Variants in MACROD2 observed in about 807,000 individuals in gnomAD.
MACROD2 encodes ADP-ribose glycohydrolase MACROD2.
In MACROD2, 36 loss-of-function variants were observed where a neutral mutation model predicts 70.4. The observed-to-expected ratio is 0.51, with a 90% CI of 0.39 to 0.68. The LOEUF (loss-of-function observed/expected upper bound fraction) is 0.68. Ranked by LOEUF, MACROD2 falls within the 30% of genes least tolerant of loss-of-function variation. The pLI, the probability that MACROD2 is intolerant of heterozygous loss-of-function variation, is 0.00. For synonymous variants in MACROD2, 172 were observed against 178.8 expected (o/e 0.96, Z 0.30); for missense variants, 496 against 538.4 (o/e 0.92, Z 0.78).
At chr20:14,269,246 T>A (rs942069801) in intron 3 of MACROD2, among the ~76,000 whole-genome samples, 10 of 152,136 alleles carry the variant, frequency 6.6e-5, no homozygotes, top group African/African-American at 2.4e-4. Flanking sequence ...ATATGGCAAA[T>A]CACTGGAAAA....
chr20:15,845,216 C>A (rs1461136205), intron 8 of MACROD2, among the ~76,000 whole-genome samples: 2 of 152,090 alleles, frequency 1.3e-5, no homozygotes, highest in Non-Finnish European at 2.9e-5. Flanking sequence ...ATCCTAATTC[C>A]AATGACTGCT....
intron 4 of MACROD2, among the ~76,000 whole-genome samples, chr20:14,577,859 G>A (rs997371220): frequency 1.6e-4 from 21 of 131,882 alleles, no homozygotes; most frequent in African/African-American, 5.3e-4. Flanking sequence ...AGAAATATCT[G>A]CTTCAAGTTA....
intron 5 of MACROD2, among the ~76,000 whole-genome samples, chr20:15,169,753 G>A (rs16995398): frequency 0.082 from 12,501 of 152,092 alleles, 641 homozygotes; most frequent in Admixed American, 0.12. Flanking sequence ...TTGATGATAG[G>A]CACAAATGAC....
At chr20:15,498,400 C>A (rs2047324882) in intron 7 of MACROD2, among the ~76,000 whole-genome samples, 1 of 152,188 alleles carries the variant, frequency 6.6e-6, no homozygotes, top group Non-Finnish European at 1.5e-5. Context: ...ACGTCTCTCT[C>A]TTTCTGCGTC....
At chr20:15,065,648 C>T (rs1432805212) in intron 5 of MACROD2, among the ~76,000 whole-genome samples, 4 of 136,208 alleles carry the variant, frequency 2.9e-5, no homozygotes, top group African/African-American at 7.8e-5. Flanking sequence ...AGCGAGACTC[C>T]GTCTCCAAAA....
intron 8 of MACROD2, among the ~76,000 whole-genome samples, chr20:15,527,520 G>A (rs1439821765): frequency 1.3e-5 from 2 of 152,068 alleles, no homozygotes; most frequent in Admixed American, 6.6e-5. Flanking sequence ...GCTACCACCC[G>A]AAGTCACACC....
At chr20:15,434,311 G>A (rs390592) in intron 7 of MACROD2, among the ~76,000 whole-genome samples, 25,159 of 149,698 alleles carry the variant, frequency 0.17, 2,678 homozygotes, top group Admixed American at 0.24. Flanking sequence ...AATCTATAAG[G>A]AACTCAAACA....
At chr20:14,184,263 C>G (rs2081327238) in intron 3 of MACROD2, among the ~76,000 whole-genome samples, 1 of 152,088 alleles carries the variant, frequency 6.6e-6, no homozygotes, top group South Asian at 2.1e-4. Context: ...GCCAGTTATC[C>G]CAGCACCATT....
chr20:15,993,140 A>G (rs1422438327), intron 15 of MACROD2, among the ~76,000 whole-genome samples: 2 of 152,198 alleles, frequency 1.3e-5, no homozygotes, highest in East Asian at 1.9e-4. Context: ...TCATACAACT[A>G]TAAAATCAAT....
chr20:14,201,856 A>G (rs2081482671), intron 3 of MACROD2, among the ~76,000 whole-genome samples: 1 of 151,872 alleles, frequency 6.6e-6, no homozygotes, highest in African/African-American at 2.4e-5. Flanking sequence ...AAAAAAATCA[A>G]TATGTATTAG....
intron 12 of MACROD2, among the ~76,000 whole-genome samples, chr20:15,951,352 A>ACACACACAAAG (rs1414285468): frequency 3.3e-5 from 3 of 91,952 alleles, no homozygotes; most frequent in Middle Eastern, 0.014. Flanking sequence ...CACACACACA[A>ACACACACAAAG]AGAGAGAGAG....
At position 15,294,307 on chromosome 20, in the gene MACROD2, C is replaced by T. The variant is rs6079735; in HGVS notation, c.540+64246C>T. 6.4e-3 allele frequency among the ~76,000 whole-genome samples: 972 copies of T among 152,222 alleles called. 15 individuals are homozygous for T. The highest frequency in any genetic ancestry group is 0.022 in the African/African-American group (909 of 41,538). Reference sequence around the variant, plus strand: ...CCCACCTTTTCCTATGTGTAATGTACTGAACCCACTGCCACCATCTTTATT... The same window carrying T: ...CCCACCTTTTCCTATGTGTAATGTATTGAACCCACTGCCACCATCTTTATT... On this transcript the variant is annotated intron_variant, in intron 6 of 17. Coordinates refer to ENST00000684519, the MANE Select transcript of MACROD2 (RefSeq NM_001351661.2).
At position 14,289,781 on chromosome 20, in the gene MACROD2, A is replaced by C. The variant is rs117190592; in HGVS notation, c.272-203698A>C. 2.5e-4 allele frequency among the ~76,000 whole-genome samples: 38 copies of C among 152,300 alleles called. No individual in the cohort carries two copies. In the East Asian group the frequency reaches 7.1e-3, roughly 29 times the overall value. On this transcript the variant is annotated intron_variant, in intron 3 of 17. Coordinates refer to ENST00000684519, the MANE Select transcript of MACROD2 (RefSeq NM_001351661.2). ...GGTCTTGAACTCCTGGGCTCAAGTG[A>C]TCTACCAGCCTTGCCTCCCAAAGTG... is the stretch of plus-strand genomic sequence containing the variant.
chr20:14,543,867 C>T (rs1472434400), intron 4 of MACROD2, among the ~76,000 whole-genome samples: 1 of 152,306 alleles, frequency 6.6e-6, no homozygotes, highest in Non-Finnish European at 1.5e-5. Context: ...TCTTTCCTAT[C>T]AGTCTCCTTT....
chr20:14,407,964 T>C (rs1351959266), intron 3 of MACROD2, among the ~76,000 whole-genome samples: 2 of 152,150 alleles, frequency 1.3e-5, no homozygotes, highest in Non-Finnish European at 2.9e-5. Context: ...TTTAACTGTA[T>C]GCTATAGTGG....
chr20:14,135,640 C>T (rs2054785188), intron 3 of MACROD2, among the ~76,000 whole-genome samples: 1 of 152,152 alleles, frequency 6.6e-6, no homozygotes, highest in Admixed American at 6.5e-5. Flanking sequence ...TGCATCACTA[C>T]ACTCCAGCTT....
At chr20:15,094,167 T>C (rs1236228628) in intron 5 of MACROD2, among the ~76,000 whole-genome samples, 4 of 152,234 alleles carry the variant, frequency 2.6e-5, no homozygotes, top group Non-Finnish European at 5.9e-5. Context: ...CAGTTAGATA[T>C]ATGTTGGCTT....
chr20:14,524,852 C>A (rs1478481029), intron 4 of MACROD2, among the ~76,000 whole-genome samples: 1 of 152,148 alleles, frequency 6.6e-6, no homozygotes, highest in Admixed American at 6.5e-5. Flanking sequence ...AGCCCCTTGC[C>A]CTGCTTCCTC....
intron 8 of MACROD2, among the ~76,000 whole-genome samples, chr20:15,692,378 G>T (rs766495612): frequency 9.9e-5 from 15 of 152,092 alleles, no homozygotes; most frequent in Non-Finnish European, 1.9e-4. Context: ...GAGCACAGGG[G>T]CCATTTTTTC....
Sources: gnomAD v4.1 joint callset for allele counts (sites outside exome capture counted in the v4.1 genomes callset) on GRCh38, gnomAD v4.1.1 for gene constraint, MANE v1.5 for transcripts, NCBI Gene and HGNC (gene_info 2026-07-23, HGNC 2026-07-21) for gene names.